The following INPP5E variants were observed in gnomAD, a reference collection of about 807,000 sequenced individuals.
INPP5E encodes inositol polyphosphate-5-phosphatase E, also known as phosphatidylinositol polyphosphate 5-phosphatase type IV.
INPP5E carries 34 observed loss-of-function variants against 50.5 expected under a neutral mutation model. The ratio of observed to expected loss-of-function variants is 0.67; its 90% CI spans 0.51 to 0.90. The LOEUF (loss-of-function observed/expected upper bound fraction) is 0.90. Ranked by LOEUF, INPP5E falls within the 40% of genes least tolerant of loss-of-function variation. The pLI is 0.00. For missense variants in INPP5E, 942 were observed against 905.5 expected, an observed-to-expected ratio of 1.04 and a Z score of -0.52; for synonymous variants, 447 against 406.0, an observed-to-expected ratio of 1.10 and a Z score of -1.21.
intron 1 of INPP5E, chr9:136,438,340 C>T: frequency 1.7e-6 from 1 of 578,728 alleles, no homozygotes; most frequent in East Asian, 2.8e-5. Context: ...GAAAAAGCGC[C>T]AGATACGTAA....
Position 136,439,333 on chromosome 9 carries a change from G to A in INPP5E, c.87C>T (p.Gly29=). The change falls in exon 1 of 10, where the codon GGC becomes GGT. Residue 29 remains glycine, a synonymous_variant. Transcript: ENST00000371712. ...ACCCCGCGCGCTGGGCCGGCGGAGC[G>A]CCGGGAAGCTGTCCTTGGAGCGTCC... ...EGRTLQGQLP[G]APPAQRAGSP... 7.1e-7 allele frequency: 1 copy of A among 1,412,540 alleles called. No individual in the cohort carries two copies. The highest frequency in any genetic ancestry group is 3.3e-5 in the Admixed American group (1 of 30,016). 87.5% of individuals were successfully genotyped at this position (1,412,540 alleles called of 1,614,324 possible).
chr9:136,429,952 G>T, intron 9 of INPP5E, 145 bp from the exon 10 acceptor site: 1 of 718,034 alleles, frequency 1.4e-6, no homozygotes, highest in Non-Finnish European at 2.4e-6. Context: ...GGCCCAGATT[G>T]GCCCTGCCTC....
At chr9:136,430,033 C>T (rs879708308) in intron 9 of INPP5E, among the ~76,000 whole-genome samples, 3 of 151,186 alleles carry the variant, frequency 2.0e-5, no homozygotes, top group Non-Finnish European at 4.4e-5. Flanking sequence ...GTGCTTAAGG[C>T]CTTCGTCCCT....
At position 136,439,559 on chromosome 9, in the gene INPP5E, A is replaced by T; in HGVS notation, c.-140T>A. 1.8e-6 allele frequency: 1 copy of T among 541,260 alleles called. No individual in the cohort carries two copies. The highest frequency in any genetic ancestry group is 2.8e-6 in the Non-Finnish European group (1 of 358,610). 33.5% of individuals were successfully genotyped at this position (541,260 alleles called of 1,614,324 possible). ...CCGCTTGGGCCGGGGATGGTCGCGG[A>T]GGGGCGGGGGCGGCTGCCGCATGGC... On this transcript the variant is annotated 5_prime_UTR_variant, in exon 1 of 10. Transcript: ENST00000371712.
In INPP5E at chr9:136,438,826, G is replaced by T; in HGVS notation, c.594C>A (p.Ser198Arg). 1 of 1,611,272 alleles carries T rather than the reference G, an allele frequency of 6.2e-7. No individual in the cohort carries two copies. Among genetic ancestry groups the T allele is most frequent in the Admixed American group, 1.7e-5 (1 of 59,860 alleles). The change falls in exon 1 of 10, where the codon AGC becomes AGA. Residue 198 changes from serine (S) to arginine (R), a missense_variant. By Grantham distance (110) the Ser-to-Arg change is moderately radical. Transcript: ENST00000371712. ...TCAGGGAGTCGGAGGCGATGTCCAGGCTCAGGGCAGGCGGTGGGCGCGGGG... is the reference window on the plus strand; with the variant it reads ...TCAGGGAGTCGGAGGCGATGTCCAGTCTCAGGGCAGGCGGTGGGCGCGGGG... ...LLPPRPPPAL[S>R]LDIASDSLRT...
At chr9:136,438,506 G>T in intron 1 of INPP5E, 102 bp downstream of exon 1, 3 of 1,032,710 alleles carry the variant, frequency 2.9e-6, no homozygotes, top group Non-Finnish European at 4.4e-6. Context: ...TTCCGGTTAG[G>T]CATCTTAAAC....
Position 136,433,339 on chromosome 9 carries a change from G to C in INPP5E, c.1035-60C>G, listed in dbSNP as rs890962676. 3.3e-6 allele frequency: 5 copies of C among 1,528,672 alleles called. No individual in the cohort carries two copies. The African/African-American group carries it at 5.5e-5, about 17-fold the overall frequency. 94.7% of individuals were successfully genotyped at this position (1,528,672 alleles called of 1,614,324 possible). On this transcript the variant is annotated intron_variant, in intron 3 of 9. Transcript: ENST00000371712. ...TGGCCTCCCAGCTCCGCCACCCCCA[G>C]ACCTGCTGCCCAGAGCCCCTCGAGG... is the stretch of plus-strand genomic sequence containing the variant.
chr9:136,435,162 G>A (rs1486621731), intron 1 of INPP5E, among the ~76,000 whole-genome samples: 1 of 152,104 alleles, frequency 6.6e-6, no homozygotes, highest in Non-Finnish European at 1.5e-5. Flanking sequence ...CCACAGAGAG[G>A]AGCTCCCAAA....
chr9:136,434,689 G>A, intron 2 of INPP5E, 51 bp downstream of exon 2: 1 of 1,568,826 alleles, frequency 6.4e-7, no homozygotes, highest in Non-Finnish European at 8.6e-7. Flanking sequence ...ACCCGCCTTT[G>A]TCCAGCACCA....
At chr9:136,433,313 A>G (rs1415015697) in intron 3 of INPP5E, 34 bp from the exon 4 acceptor site, 8 of 1,553,706 alleles carry the variant, frequency 5.1e-6, no homozygotes, top group Middle Eastern at 1.8e-4. Context: ...GCTGGGGGAC[A>G]TGGCCTCCCA....
rs562484803 is a variant in INPP5E, at chr9:136,439,097, C to T, written c.323G>A (p.Gly108Glu). 7.0e-5 allele frequency: 111 copies of T among 1,579,504 alleles called. 1 individual carries two copies. In the South Asian group the frequency reaches 1.2e-3, roughly 18 times the overall value. ...CACTGAGCCCCTGGAGGGACTGGTC[C>T]CATTCCGGGCTTCCAGGTCCTCCTG... ...GSQEDLEARN[G>E]TSPSRGSVQS... The change falls in exon 1 of 10, where the codon GGG (glycine) becomes GAG (glutamate). Residue 108 changes from glycine to glutamate, a missense_variant. Physicochemically the swap from Gly to Glu is moderately conservative, Grantham distance 98 (BLOSUM62 -2). Transcript: ENST00000371712.
At chr9:136,435,202 C>T (rs1046113125) in intron 1 of INPP5E, among the ~76,000 whole-genome samples, 4 of 152,192 alleles carry the variant, frequency 2.6e-5, no homozygotes, top group Non-Finnish European at 5.9e-5. Flanking sequence ...GCACAGGGTG[C>T]TGTTCGGGGA....
At position 136,439,519 on chromosome 9, in the gene INPP5E, A is replaced by C; in HGVS notation, c.-100T>G. 12 of 838,536 alleles carry C rather than the reference A, an allele frequency of 1.4e-5. No individual in the cohort carries two copies. Among genetic ancestry groups the C allele is most frequent in the Non-Finnish European group, 2.0e-5 (12 of 610,640 alleles). The allele number at this position is 838,536 out of a possible 1,614,324, so 51.9% of individuals were successfully genotyped here. A position where few individuals can be genotyped will look rare whatever the true frequency, so the allele number is the denominator to read the frequency against. Reference sequence around the variant, plus strand: ...GTCGCCGGCGCAGCGAGGAGCAGAAACGCCGCTGCGGCTCCCGCTTGGGCC... The same window carrying C: ...GTCGCCGGCGCAGCGAGGAGCAGAACCGCCGCTGCGGCTCCCGCTTGGGCC... On this transcript the variant is annotated 5_prime_UTR_variant, in exon 1 of 10. Coordinates refer to ENST00000371712, the MANE Select transcript of INPP5E (RefSeq NM_019892.6).
chr9:136,438,395 C>A, intron 1 of INPP5E: 1 of 607,070 alleles, frequency 1.6e-6, no homozygotes, highest in South Asian at 1.9e-5. Context: ...CAACGTCACG[C>A]CCACGAATGG....
chr9:136,436,756 T>G (rs1483385622), intron 1 of INPP5E: 1 of 152,294 alleles, frequency 6.6e-6, no homozygotes, highest in Non-Finnish European at 1.5e-5. Context: ...CCTAATAGAC[T>G]CACTGGCACA....
intron 5 of INPP5E, among the ~76,000 whole-genome samples, 164 bp downstream of exon 5, chr9:136,432,792 T>C (rs1835740289): frequency 6.6e-6 from 1 of 152,194 alleles, no homozygotes; most frequent in Non-Finnish European, 1.5e-5. Flanking sequence ...TGCCGGGGTC[T>C]GCCGGGGGTC....
chr9:136,429,310 G>C lies in INPP5E; in HGVS notation c.*365C>G. 5.1e-6 allele frequency: 2 copies of C among 391,616 alleles called. No individual in the cohort carries two copies. The highest frequency in any genetic ancestry group is 9.8e-6 in the Non-Finnish European group (2 of 204,726). 24.3% of individuals were successfully genotyped at this position (391,616 alleles called of 1,614,324 possible). ...GAGGGAGAGGCTGGTGCAGAGCACGGGGGTGTTGGGGGGCTCTGTGACTGC... is the reference window on the plus strand; with the variant it reads ...GAGGGAGAGGCTGGTGCAGAGCACGCGGGTGTTGGGGGGCTCTGTGACTGC... On this transcript the variant is annotated 3_prime_UTR_variant, in exon 10 of 10. Coordinates refer to ENST00000371712, the MANE Select transcript of INPP5E (RefSeq NM_019892.6).
At chr9:136,429,885 GA>G in intron 9 of INPP5E, 78 bp from the exon 10 acceptor site, 1 of 1,083,634 alleles carries the variant, frequency 9.2e-7, no homozygotes, top group Non-Finnish European at 1.4e-6. Flanking sequence ...GGCCCCGGAG[GA>G]GGGGGCATTT....
intron 2 of INPP5E, 66 bp downstream of exon 2, chr9:136,434,671 TCCC>T: frequency 6.5e-7 from 1 of 1,547,146 alleles, no homozygotes. Context: ...AGCTGCCCCG[TCCC>T]CCTCACCCGC....
Sources: allele counts gnomAD v4.1 joint callset (sites outside exome capture counted in the v4.1 genomes callset), GRCh38; gene constraint gnomAD v4.1.1; transcripts MANE v1.5; gene names NCBI Gene and HGNC (gene_info 2026-07-23, HGNC 2026-07-21).